The following GRID2 variants were observed in gnomAD, a reference collection of about 807,000 sequenced individuals.
GRID2 encodes the protein glutamate ionotropic receptor delta type subunit 2, also known as glutamate receptor ionotropic, delta-2.
GRID2 carries 33 observed loss-of-function variants against 114.8 expected under a neutral mutation model. The observed-to-expected ratio is 0.29, with a 90% CI of 0.22 to 0.38. The LOEUF (loss-of-function observed/expected upper bound fraction) is 0.38. GRID2 is among the 10% of genes least tolerant of loss of function. GRID2 has a pLI of 1.00. For missense variants in GRID2, 1,184 were observed against 1,257.7 expected, an observed-to-expected ratio of 0.94 and a Z score of 0.89; for synonymous variants, 505 against 449.9, an observed-to-expected ratio of 1.12 and a Z score of -1.55.
chr4:93,798,530 A>C (rs562491600), intron 1 of GRID2, among the ~76,000 whole-genome samples: 1 of 152,312 alleles, frequency 6.6e-6, no homozygotes, highest in South Asian at 2.1e-4. Context: ...GGATTCCCCA[A>C]GTCATGTTTA....
chr4:92,422,307 G>A (rs184879287), intron 1 of GRID2, among the ~76,000 whole-genome samples: 3 of 152,210 alleles, frequency 2.0e-5, no homozygotes, highest in African/African-American at 2.4e-5. Context: ...CCAGGGATTC[G>A]TTCAAAGAGA....
In GRID2 at chr4:93,158,021, A is replaced by C. The variant is rs114165131; in HGVS notation, c.735+47068A>C. 5.4e-3 allele frequency among the ~76,000 whole-genome samples: 816 copies of C among 151,928 alleles called. 9 individuals carry two copies. Among genetic ancestry groups the C allele is most frequent in the African/African-American group, 0.019 (778 of 41,508 alleles). The stretch of plus-strand genomic sequence containing the variant: ...ACATGTAGTGTTATTTTAGGACATA[A>C]AGAAAGCTATATGTTAATAAATGCA... On this transcript the variant is annotated intron_variant, in intron 4 of 15. Coordinates refer to ENST00000282020, the MANE Select transcript of GRID2 (RefSeq NM_001510.4).
In GRID2 at chr4:93,022,721, TA is replaced by T. The variant is rs147066870; in HGVS notation, c.245-62273del. On this transcript the variant is annotated intron_variant, in intron 2 of 15. Transcript: ENST00000282020. ...CTACCTTTCTTTAATTATAAGTATC[TA>T]TTTAGTCATTTATTTCCTGTTTGTG... 2.9e-3 allele frequency among the ~76,000 whole-genome samples: 435 copies of T among 152,080 alleles called. 1 individual carries two copies. The highest frequency in any genetic ancestry group is 0.014 in the Middle Eastern group (4 of 294).
intron 14 of GRID2, among the ~76,000 whole-genome samples, chr4:93,756,476 T>C (rs1732758532): frequency 6.6e-6 from 1 of 152,194 alleles, no homozygotes; most frequent in Non-Finnish European, 1.5e-5. Context: ...TTCAGCAAGG[T>C]AGATTTCATT....
At chr4:93,270,416 C>A (rs1357063663) in intron 8 of GRID2, among the ~76,000 whole-genome samples, 1 of 152,026 alleles carries the variant, frequency 6.6e-6, no homozygotes, top group Non-Finnish European at 1.5e-5. Flanking sequence ...TTATACTATT[C>A]TCAAATGTCC....
intron 1 of GRID2, among the ~76,000 whole-genome samples, chr4:92,411,936 A>G (rs1032017614): frequency 6.6e-5 from 10 of 151,496 alleles, no homozygotes; most frequent in Admixed American, 2.0e-4. Flanking sequence ...CTATCTCTTG[A>G]CCTTGTGATC....
Position 92,336,954 on chromosome 4 carries a change from G to GTTTTTTT in GRID2, c.88+32225_88+32231dup, listed in dbSNP as rs59093874. Among the ~76,000 whole-genome samples the GTTTTTTT allele has an allele frequency of 5.4e-3, 417 of 76,784 alleles. 1 individual carries two copies. Among genetic ancestry groups the GTTTTTTT allele is most frequent in the Middle Eastern group, 0.017 (1 of 58 alleles). The allele number at this position is 76,784 out of a possible 152,430, so 50.4% of individuals were successfully genotyped here. On this transcript the variant is annotated intron_variant, in intron 1 of 15. Transcript: ENST00000282020. ...GGACCAAGTCAGGTCTTTCGTTGTT[G>GTTTTTTT]TTTTTTTTTTTTTTTTTTTTTCATG...
intron 1 of GRID2, among the ~76,000 whole-genome samples, chr4:92,589,347 T>C (rs1728602891): frequency 6.6e-6 from 1 of 152,242 alleles, no homozygotes; most frequent in African/African-American, 2.4e-5. Context: ...AGGTGTAGAA[T>C]TTGAGCATGT....
chr4:93,563,900 T>C (rs1735152901), intron 13 of GRID2, among the ~76,000 whole-genome samples: 1 of 151,956 alleles, frequency 6.6e-6, no homozygotes. Context: ...TAGCTAAATG[T>C]TACTACATTT....
chr4:92,947,440 C>A (rs1041796275), intron 2 of GRID2, among the ~76,000 whole-genome samples: 1 of 151,776 alleles, frequency 6.6e-6, no homozygotes, highest in Non-Finnish European at 1.5e-5. Context: ...GTCAATTTTC[C>A]ATTTTGTATA....
At chr4:93,383,948 T>C in intron 8 of GRID2, among the ~76,000 whole-genome samples, 1 of 152,288 alleles carries the variant, frequency 6.6e-6, no homozygotes. Flanking sequence ...AGGGGCTGTC[T>C]TAGACCTTTT....
At chr4:93,108,239 CCAAA>C in intron 3 of GRID2, among the ~76,000 whole-genome samples, 1 of 152,292 alleles carries the variant, frequency 6.6e-6, no homozygotes, top group South Asian at 2.1e-4. Context: ...TTGTTTTCTT[CCAAA>C]CACTTAGTGT....
At chr4:93,711,425 CTGAGAT>C (rs1332414866) in intron 14 of GRID2, among the ~76,000 whole-genome samples, 1 of 152,166 alleles carries the variant, frequency 6.6e-6, no homozygotes, top group Non-Finnish European at 1.5e-5. Context: ...CTGTATTTTA[CTGAGAT>C]TGAGCTGGTA....
chr4:93,075,062 C>G (rs1029947766), intron 2 of GRID2, among the ~76,000 whole-genome samples: 1 of 152,158 alleles, frequency 6.6e-6, no homozygotes, highest in Non-Finnish European at 1.5e-5. Flanking sequence ...TAATTATACA[C>G]AAACTCTTCC....
intron 13 of GRID2, among the ~76,000 whole-genome samples, chr4:93,578,167 C>A (rs889390944): frequency 6.6e-6 from 1 of 152,202 alleles, no homozygotes; most frequent in Admixed American, 6.5e-5. Flanking sequence ...CTATTCCACC[C>A]TCCCATCAAC....
chr4:92,907,464 T>G (rs972289737), intron 2 of GRID2, among the ~76,000 whole-genome samples: 3 of 152,134 alleles, frequency 2.0e-5, no homozygotes, highest in Non-Finnish European at 4.4e-5. Flanking sequence ...CAGGCTGTAG[T>G]GCAATGGCGC....
intron 2 of GRID2, among the ~76,000 whole-genome samples, chr4:92,868,054 TTCTTTCTTTCTTTCTGTCTGTCTG>T (rs1474379627): frequency 6.5e-5 from 9 of 139,266 alleles, no homozygotes; most frequent in South Asian, 2.4e-4. Flanking sequence ...CTTTCTTTCT[TTCTTTCTTTCTTTCTGTCTGTCTG>T]TCTGTCTGTC....
At chr4:92,959,066 T>C (rs1416937464) in intron 2 of GRID2, among the ~76,000 whole-genome samples, 1 of 151,168 alleles carries the variant, frequency 6.6e-6, no homozygotes, top group African/African-American at 2.4e-5. Flanking sequence ...TCTTTTTTTT[T>C]TTTTTTTTTC....
chr4:92,514,399 A>G (rs1249801318), intron 1 of GRID2, among the ~76,000 whole-genome samples: 1 of 151,888 alleles, frequency 6.6e-6, no homozygotes, highest in East Asian at 1.9e-4. Flanking sequence ...TAGCACTTCT[A>G]TGACTCAGGT....
Sources: gnomAD v4.1 joint callset for allele counts (sites outside exome capture counted in the v4.1 genomes callset) on GRCh38, gnomAD v4.1.1 for gene constraint, MANE v1.5 for transcripts, NCBI Gene and HGNC (gene_info 2026-07-23, HGNC 2026-07-21) for gene names.